NAV3: variants seen among roughly 807,000 people sequenced by gnomAD.
NAV3 encodes the protein neuron navigator 3.
NAV3 carries 87 observed loss-of-function variants against 244.7 expected under a neutral mutation model. The observed-to-expected ratio is 0.36, with a 90% confidence interval of 0.30 to 0.42. NAV3 has a LOEUF of 0.42. Among genes scored for constraint, NAV3 ranks in the 20% least tolerant of loss-of-function variants. The pLI is 1.00. For synonymous variants in NAV3, 1,126 were observed against 1,042.2 expected, an observed-to-expected ratio of 1.08 and a Z score of -1.55; for missense variants, 2,663 against 2,893.3, an observed-to-expected ratio of 0.92 and a Z score of 1.83.
At chr12:77,652,108 T>C (rs1422893962) in intron 2 of NAV3, among the ~76,000 whole-genome samples, 1 of 152,220 alleles carries the variant, frequency 6.6e-6, no homozygotes, top group Non-Finnish European at 1.5e-5. Flanking sequence ...ATTGTAATAC[T>C]ACTACCACCT....
At chr12:77,663,522 C>T (rs1197874004) in intron 2 of NAV3, among the ~76,000 whole-genome samples, 5 of 139,350 alleles carry the variant, frequency 3.6e-5, no homozygotes, top group African/African-American at 1.1e-4. Context: ...TCTTCTTCTT[C>T]TTTTTTTTTT....
chr12:77,650,014 C>T (rs192794160), intron 2 of NAV3, among the ~76,000 whole-genome samples: 2 of 152,158 alleles, frequency 1.3e-5, no homozygotes, highest in South Asian at 2.1e-4. Context: ...GGTGTCCTTT[C>T]TCCCTGTGTT....
chr12:78,120,332 AC>A (rs1409644635), intron 15 of NAV3, among the ~76,000 whole-genome samples: 2 of 152,154 alleles, frequency 1.3e-5, no homozygotes, highest in African/African-American at 4.8e-5. Flanking sequence ...GGTTTTCATG[AC>A]TTTTGGCATT....
At chr12:77,760,780 A>T (rs973732021) in intron 2 of NAV3, among the ~76,000 whole-genome samples, 4 of 152,208 alleles carry the variant, frequency 2.6e-5, no homozygotes, top group Non-Finnish European at 4.4e-5. Context: ...TGTCAGCCAC[A>T]ATGTTTCAAA....
At chr12:77,583,401 G>T (rs768187062) in intron 2 of NAV3, among the ~76,000 whole-genome samples, 3 of 152,154 alleles carry the variant, frequency 2.0e-5, no homozygotes, top group Non-Finnish European at 2.9e-5. Context: ...GTAACACCTT[G>T]TATGTACATG....
At chr12:78,008,871 A>G (rs1310796648) in intron 8 of NAV3, among the ~76,000 whole-genome samples, 1 of 152,170 alleles carries the variant, frequency 6.6e-6, no homozygotes, top group African/African-American at 2.4e-5. Context: ...CTGTTTGACA[A>G]AGCAGAATTT....
chr12:77,964,022 C>T (rs1892298958), intron 3 of NAV3, among the ~76,000 whole-genome samples: 1 of 148,586 alleles, frequency 6.7e-6, no homozygotes, highest in African/African-American at 2.5e-5. Context: ...CTCCTCTTCC[C>T]TCCTCCTCCT....
chr12:77,618,453 T>C (rs1871228373), intron 2 of NAV3, among the ~76,000 whole-genome samples: 1 of 152,354 alleles, frequency 6.6e-6, no homozygotes, highest in Admixed American at 6.5e-5. Flanking sequence ...ATACATTTTT[T>C]GTTCATGGAC....
At chr12:77,655,773 A>G (rs1317100834) in intron 2 of NAV3, among the ~76,000 whole-genome samples, 1 of 152,220 alleles carries the variant, frequency 6.6e-6, no homozygotes, top group Admixed American at 6.5e-5. Context: ...CAGAAACTCT[A>G]TAAGCCAGAA....
intron 23 of NAV3, among the ~76,000 whole-genome samples, chr12:78,163,036 A>C (rs1271555721): frequency 1.3e-5 from 2 of 149,840 alleles, no homozygotes; most frequent in African/African-American, 4.9e-5. Context: ...GCTGAGAATG[A>C]GGATACTGAG....
chr12:78,160,530 C>A (rs1447983637), intron 23 of NAV3, among the ~76,000 whole-genome samples: 1 of 151,936 alleles, frequency 6.6e-6, no homozygotes, highest in African/African-American at 2.4e-5. Flanking sequence ...AGAATGCGTT[C>A]CTCTATCTAT....
intron 11 of NAV3, among the ~76,000 whole-genome samples, chr12:78,056,839 A>G (rs373997716): frequency 2.3e-4 from 35 of 152,386 alleles, no homozygotes; most frequent in African/African-American, 7.9e-4. Flanking sequence ...AAAAGGCTCA[A>G]TAAGGTAGTA....
intron 2 of NAV3, among the ~76,000 whole-genome samples, chr12:77,824,703 G>A (rs1872896933): frequency 6.6e-6 from 1 of 151,928 alleles, no homozygotes; most frequent in African/African-American, 2.4e-5. Flanking sequence ...GACCAGCCTG[G>A]CCAATATGGT....
chr12:78,123,121 ACT>A (rs996445486), intron 16 of NAV3, among the ~76,000 whole-genome samples: 2 of 151,896 alleles, frequency 1.3e-5, no homozygotes, highest in African/African-American at 4.8e-5. Flanking sequence ...GAGCAAAATC[ACT>A]CTAAATTTTC....
At chr12:78,063,500 A>G (rs982024506) in intron 12 of NAV3, among the ~76,000 whole-genome samples, 27 of 152,174 alleles carry the variant, frequency 1.8e-4, no homozygotes, top group African/African-American at 6.5e-4. Context: ...AAACAAATAT[A>G]TGATTACTTC....
intron 2 of NAV3, among the ~76,000 whole-genome samples, chr12:77,774,433 G>A (rs1248508978): frequency 4.6e-5 from 7 of 151,982 alleles, no homozygotes; most frequent in Non-Finnish European, 1.0e-4. Context: ...GGCACTTCTC[G>A]GAGGACATTA....
At chr12:77,927,664 G>T (rs1430966551) in intron 1 of NAV3, among the ~76,000 whole-genome samples, 2 of 152,122 alleles carry the variant, frequency 1.3e-5, no homozygotes, top group East Asian at 3.8e-4. Context: ...TCATACTGCT[G>T]GTAGCAGTGG....
chr12:77,868,673 T>G (rs1290689084), intron 1 of NAV3, among the ~76,000 whole-genome samples: 1 of 143,342 alleles, frequency 7.0e-6, no homozygotes, highest in Admixed American at 7.3e-5. Flanking sequence ...GGAGGATTGC[T>G]AGAACCTGGG....
At chr12:77,851,076 C>T (rs1877445973) in intron 1 of NAV3, among the ~76,000 whole-genome samples, 3 of 152,200 alleles carry the variant, frequency 2.0e-5, no homozygotes, top group Admixed American at 2.0e-4. Flanking sequence ...CATTTTTCCT[C>T]TGCTGTGGCT....
Sources: gnomAD v4.1 joint callset for allele counts (sites outside exome capture counted in the v4.1 genomes callset) on GRCh38, gnomAD v4.1.1 for gene constraint, MANE v1.5 for transcripts, NCBI Gene and HGNC (gene_info 2026-07-23, HGNC 2026-07-21) for gene names.